The following RABGAP1L variants were observed in gnomAD, a reference collection of about 807,000 sequenced individuals.
RABGAP1L encodes rab GTPase-activating protein 1-like.
A neutral mutation model predicts 137.7 loss-of-function variants in RABGAP1L; 63 were observed. The observed-to-expected ratio is 0.46, with a 90% CI of 0.37 to 0.56. The LOEUF (loss-of-function observed/expected upper bound fraction) is 0.56, where lower values mean the gene tolerates loss of function less well. Among genes scored for constraint, RABGAP1L ranks in the 20% least tolerant of loss-of-function variants. The pLI is 0.00. For missense variants in RABGAP1L, 1,095 were observed against 1,244.0 expected, an observed-to-expected ratio of 0.88 and a Z score of 1.80; for synonymous variants, 431 against 433.7, an observed-to-expected ratio of 0.99 and a Z score of 0.08.
intron 11 of RABGAP1L, among the ~76,000 whole-genome samples, chr1:174,336,532 A>G (rs1681480344): frequency 6.6e-6 from 1 of 152,202 alleles, no homozygotes; most frequent in East Asian, 1.9e-4. Context: ...GCACTGGTTA[A>G]GGAAATGCTT....
intron 11 of RABGAP1L, among the ~76,000 whole-genome samples, chr1:174,364,085 T>G (rs1029933216): frequency 1.3e-5 from 2 of 151,824 alleles, no homozygotes; most frequent in African/African-American, 4.8e-5. Flanking sequence ...TCTTCCTCTG[T>G]TTTTCAGAAT....
At chr1:174,654,851 T>C (rs1465446517) in intron 14 of RABGAP1L, among the ~76,000 whole-genome samples, 1 of 152,218 alleles carries the variant, frequency 6.6e-6, no homozygotes, top group Non-Finnish European at 1.5e-5. Flanking sequence ...TTGTCTCCAG[T>C]GTTTATTTCA....
chr1:174,619,512 G>A (rs143248987), intron 13 of RABGAP1L, among the ~76,000 whole-genome samples: 2,397 of 152,188 alleles, frequency 0.016, 56 homozygotes, highest in African/African-American at 0.05. Context: ...AGAATTTTCA[G>A]CCCAGAATTT....
chr1:174,762,622 G>T (rs537196422), intron 18 of RABGAP1L, among the ~76,000 whole-genome samples: 1 of 152,250 alleles, frequency 6.6e-6, no homozygotes, highest in East Asian at 1.9e-4. Context: ...TCTATGTGGG[G>T]TCTGCCCACT....
intron 19 of RABGAP1L, among the ~76,000 whole-genome samples, chr1:174,917,347 C>A (rs1661042377): frequency 1.3e-5 from 2 of 152,110 alleles, no homozygotes; most frequent in Admixed American, 1.3e-4. Context: ...ATTATGTATA[C>A]ATCAGAATAT....
chr1:174,830,730 G>A (rs1277531716), intron 19 of RABGAP1L, among the ~76,000 whole-genome samples: 1 of 148,146 alleles, frequency 6.8e-6, no homozygotes, highest in Non-Finnish European at 1.5e-5. Context: ...GCCCACCTCG[G>A]CATCCCAAAG....
At chr1:174,327,984 C>CATATATATATATAT (rs1314813386) in intron 11 of RABGAP1L, among the ~76,000 whole-genome samples, 10 of 37,874 alleles carry the variant, frequency 2.6e-4, no homozygotes, top group South Asian at 9.8e-4. Flanking sequence ...TATATACACA[C>CATATATATATATAT]ACATATATAT....
intron 19 of RABGAP1L, among the ~76,000 whole-genome samples, chr1:174,924,716 G>A (rs1038093968): frequency 2.6e-5 from 4 of 152,072 alleles, no homozygotes; most frequent in Non-Finnish European, 5.9e-5. Flanking sequence ...GCACGATGGT[G>A]GCAACTTATG....
intron 18 of RABGAP1L, among the ~76,000 whole-genome samples, chr1:174,787,402 C>CA (rs35930436): frequency 0.039 from 4,710 of 119,832 alleles, 279 homozygotes; most frequent in African/African-American, 0.14. Context: ...GACTCTGTGT[C>CA]AAAAAAAAAA....
rs1233587759 is a variant in RABGAP1L, at chr1:174,685,578, T to TATTTATTC, written c.1899+1987_1899+1988insTTCATTTA. 5.9e-5 allele frequency among the ~76,000 whole-genome samples: 9 copies of TATTTATTC among 151,776 alleles called. No homozygotes were observed. The East Asian group carries it at 1.7e-3, about 29-fold the overall frequency. On this transcript the variant is annotated intron_variant, in intron 15 of 25. Coordinates refer to ENST00000681986, the MANE Select transcript of RABGAP1L (RefSeq NM_001366446.1). ...TTATTTATTTATTTATTTATTTATT[T>TATTTATTC]ATTTAGATGAAGTCTACCTCTGTCT...
At chr1:174,616,961 G>A (rs943324624) in intron 13 of RABGAP1L, among the ~76,000 whole-genome samples, 1 of 152,162 alleles carries the variant, frequency 6.6e-6, no homozygotes, top group African/African-American at 2.4e-5. Context: ...AAAATAAATG[G>A]TAGTTGAAGT....
intron 10 of RABGAP1L, among the ~76,000 whole-genome samples, chr1:174,281,620 G>C (rs1454161871): frequency 1.3e-5 from 2 of 152,218 alleles, no homozygotes; most frequent in Non-Finnish European, 2.9e-5. Context: ...TAAATGCCCA[G>C]AGAACTAGAA....
chr1:174,827,267 C>T (rs990693164), intron 19 of RABGAP1L, among the ~76,000 whole-genome samples: 3 of 152,162 alleles, frequency 2.0e-5, no homozygotes, highest in Admixed American at 6.5e-5. Context: ...GGCTTAGCCT[C>T]CTACTGAGTA....
chr1:174,952,148 A>T (rs1481179431), intron 19 of RABGAP1L, among the ~76,000 whole-genome samples: 1 of 151,940 alleles, frequency 6.6e-6, no homozygotes, highest in East Asian at 1.9e-4. Flanking sequence ...AAGCACTCCT[A>T]AATATACAAA....
intron 19 of RABGAP1L, among the ~76,000 whole-genome samples, chr1:174,851,961 G>T (rs76827357): frequency 0.021 from 3,128 of 152,124 alleles, 50 homozygotes; most frequent in Middle Eastern, 0.082. Flanking sequence ...GACTACCTTA[G>T]TTTTTCTAGA....
intron 19 of RABGAP1L, among the ~76,000 whole-genome samples, chr1:174,908,790 C>A (rs577712121): frequency 6.6e-6 from 1 of 150,970 alleles, no homozygotes; most frequent in East Asian, 2.0e-4. Flanking sequence ...GTGATCTGCC[C>A]ACCTCGGCCT....
intron 11 of RABGAP1L, among the ~76,000 whole-genome samples, chr1:174,341,149 G>T (rs1681938639): frequency 6.6e-6 from 1 of 152,012 alleles, no homozygotes; most frequent in Admixed American, 6.6e-5. Context: ...GTAGACTCTG[G>T]ATATTAGATT....
At chr1:174,391,567 C>T (rs1315401174) in intron 12 of RABGAP1L, among the ~76,000 whole-genome samples, 1 of 152,024 alleles carries the variant, frequency 6.6e-6, no homozygotes, top group Non-Finnish European at 1.5e-5. Context: ...GGTCTGAACG[C>T]CTGGGCTCAA....
intron 13 of RABGAP1L, among the ~76,000 whole-genome samples, chr1:174,517,116 A>T (rs1662938053): frequency 1.3e-5 from 2 of 151,970 alleles, no homozygotes; most frequent in South Asian, 4.1e-4. Context: ...CTAAGGGGAA[A>T]AGCTCAGATA....
Sources: gnomAD v4.1 joint callset for allele counts (sites outside exome capture counted in the v4.1 genomes callset) on GRCh38, gnomAD v4.1.1 for gene constraint, MANE v1.5 for transcripts, NCBI Gene and HGNC (gene_info 2026-07-23, HGNC 2026-07-21) for gene names.